MARCHF1: variants seen among roughly 807,000 people sequenced by gnomAD.
MARCHF1 encodes membrane associated ring-CH-type finger 1.
Under a neutral mutation model 54.2 loss-of-function variants are expected in MARCHF1, and 40 were observed. The observed-to-expected ratio is 0.74, with a 90% confidence interval of 0.57 to 0.96. MARCHF1 has a LOEUF of 0.96. Among genes scored for constraint, MARCHF1 ranks in the 40% least tolerant of loss-of-function variants. The pLI is 0.00. For missense variants in MARCHF1, 586 were observed against 656.5 expected (o/e 0.89, Z 1.17); for synonymous variants, 236 against 236.3 (o/e 1.00, Z 0.01).
At chr4:164,287,601 C>T (rs937359240) in intron 1 of MARCHF1, among the ~76,000 whole-genome samples, 2 of 151,616 alleles carry the variant, frequency 1.3e-5, no homozygotes, top group African/African-American at 4.8e-5. Context: ...GTAACCCTTC[C>T]GTCAGACTGA....
At chr4:163,600,380 T>C (rs1740924599) in intron 7 of MARCHF1, among the ~76,000 whole-genome samples, 1 of 152,132 alleles carries the variant, frequency 6.6e-6, no homozygotes, top group South Asian at 2.1e-4. Context: ...GCAATCTGGA[T>C]GGAATCCTGG....
chr4:164,138,472 A>G (rs1404625670), intron 1 of MARCHF1, among the ~76,000 whole-genome samples: 1 of 152,178 alleles, frequency 6.6e-6, no homozygotes, highest in Non-Finnish European at 1.5e-5. Flanking sequence ...GATCACTTCC[A>G]AGAAGTAGGG....
At position 164,045,798 on chromosome 4, in the gene MARCHF1, G is replaced by T. The variant is rs950241785; in HGVS notation, c.-247-57089C>A. The stretch of plus-strand genomic sequence containing the variant: ...CTGACCTCAAACAAAAGCATCTCAA[G>T]ATACTTTTAACTATTTAATAGTTAC... On this transcript the variant is annotated intron_variant, in intron 2 of 9. Transcript: ENST00000514618. Among the ~76,000 whole-genome samples the T allele has an allele frequency of 9.9e-5, 15 of 151,314 alleles. No homozygotes were observed. In the East Asian group the frequency reaches 2.3e-3, roughly 24 times the overall value.
chr4:163,935,288 C>T lies in MARCHF1; in HGVS notation c.-39+53213G>A, dbSNP rs1006255516. 6.6e-5 allele frequency among the ~76,000 whole-genome samples: 10 copies of T among 152,120 alleles called. No individual in the cohort carries two copies. The South Asian group carries it at 1.0e-3, about 16-fold the overall frequency. Reference sequence around the variant, plus strand: ...AGCCTGTCTTTTGAAGCTTTGAAGTCGGGCATTGACTTATCTTCCCTAGCT... The same window carrying T: ...AGCCTGTCTTTTGAAGCTTTGAAGTTGGGCATTGACTTATCTTCCCTAGCT... On this transcript the variant is annotated intron_variant, in intron 3 of 9. Coordinates refer to ENST00000514618, the MANE Select transcript of MARCHF1 (RefSeq NM_001394959.1).
intron 5 of MARCHF1, among the ~76,000 whole-genome samples, chr4:163,675,082 C>G (rs553691459): frequency 6.6e-5 from 10 of 152,030 alleles, no homozygotes; most frequent in Non-Finnish European, 1.3e-4. Flanking sequence ...AAAGGAAAAC[C>G]CTTACCTAGC....
chr4:164,188,623 C>T (rs2111040333), intron 1 of MARCHF1: 1 of 1,004,136 alleles, frequency 1.0e-6, no homozygotes, highest in East Asian at 2.4e-5. Flanking sequence ...CCGCCACGAA[C>T]CAGCTCACCT....
intron 9 of MARCHF1, among the ~76,000 whole-genome samples, chr4:163,531,279 C>T (rs1213494311): frequency 6.6e-6 from 1 of 151,784 alleles, no homozygotes; most frequent in Non-Finnish European, 1.5e-5. Context: ...AACAGTTACA[C>T]ACTACAGCCA....
chr4:163,635,338 G>T (rs1428301230), intron 5 of MARCHF1, among the ~76,000 whole-genome samples: 4 of 150,598 alleles, frequency 2.7e-5, no homozygotes. Context: ...CAACAAAATT[G>T]ATAGACCGCT....
chr4:163,631,908 A>C (rs1742098040), intron 5 of MARCHF1, among the ~76,000 whole-genome samples: 1 of 152,234 alleles, frequency 6.6e-6, no homozygotes, highest in Non-Finnish European at 1.5e-5. Context: ...AAATCATGTT[A>C]ATTATTGCAA....
At chr4:163,844,579 G>A (rs1749432956) in intron 4 of MARCHF1, among the ~76,000 whole-genome samples, 1 of 152,102 alleles carries the variant, frequency 6.6e-6, no homozygotes, top group South Asian at 2.1e-4. Flanking sequence ...ATAGTATAGT[G>A]TTTGGCACAT....
chr4:163,935,731 C>CT lies in MARCHF1; in HGVS notation c.-39+52769dup, dbSNP rs1205819554. On this transcript the variant is annotated intron_variant, in intron 3 of 9. Transcript: ENST00000514618. ...TTTTTTTTTTTTTTTTTTTATTATA[C>CT]TTTAAGTTTTAGGGTACATGTGCAC... is the stretch of plus-strand genomic sequence containing the variant. Among the ~76,000 whole-genome samples, 3 of 89,136 alleles carry CT rather than the reference C, an allele frequency of 3.4e-5. No individual in the cohort carries two copies. In the Admixed American group the frequency reaches 3.8e-4, roughly 11 times the overall value. 58.5% of individuals were successfully genotyped at this position (89,136 alleles called of 152,430 possible). A position where few individuals can be genotyped will look rare whatever the true frequency, so the allele number is the denominator to read the frequency against.
intron 2 of MARCHF1, among the ~76,000 whole-genome samples, chr4:164,005,934 A>G (rs1205897832): frequency 6.6e-6 from 1 of 152,192 alleles, no homozygotes; most frequent in Non-Finnish European, 1.5e-5. Context: ...CAAAAAGGAG[A>G]TAGTGACCAA....
At chr4:163,690,681 A>T (rs1182543732) in intron 5 of MARCHF1, among the ~76,000 whole-genome samples, 1 of 152,212 alleles carries the variant, frequency 6.6e-6, no homozygotes, top group Non-Finnish European at 1.5e-5. Context: ...AGAAAAAAGG[A>T]GGGGATATAT....
At chr4:163,635,996 C>A (rs1742304406) in intron 5 of MARCHF1, among the ~76,000 whole-genome samples, 1 of 152,174 alleles carries the variant, frequency 6.6e-6, no homozygotes, top group Non-Finnish European at 1.5e-5. Context: ...ACAAAAACCA[C>A]ATGATTATCT....
At chr4:163,634,417 G>T (rs1443688263) in intron 5 of MARCHF1, among the ~76,000 whole-genome samples, 1 of 144,980 alleles carries the variant, frequency 6.9e-6, no homozygotes, top group Non-Finnish European at 1.5e-5. Context: ...CCAAGCAAAT[G>T]GAAAACAAAA....
At chr4:163,684,173 G>T (rs558139404) in intron 5 of MARCHF1, among the ~76,000 whole-genome samples, 4 of 152,128 alleles carry the variant, frequency 2.6e-5, no homozygotes, top group South Asian at 2.1e-4. Flanking sequence ...AGTAGCAAAG[G>T]TTCGCCTAGT....
In MARCHF1 at chr4:164,375,245, G is replaced by T. The variant is rs1158483877; in HGVS notation, c.-323+8625C>A. Reference sequence around the variant, plus strand: ...GTGTTACACTATTAAAATAAATCAAGTAAAATTTTAATTGAAATGTTGTAC... The same window carrying T: ...GTGTTACACTATTAAAATAAATCAATTAAAATTTTAATTGAAATGTTGTAC... On this transcript the variant is annotated intron_variant, in intron 1 of 9. Transcript: ENST00000514618. Among the ~76,000 whole-genome samples, 3 of 152,100 alleles carry T rather than the reference G, an allele frequency of 2.0e-5. No homozygotes were observed. In the East Asian group the frequency reaches 5.8e-4, roughly 29 times the overall value.
At chr4:163,618,615 A>G (rs970410397) in intron 5 of MARCHF1, among the ~76,000 whole-genome samples, 5 of 152,168 alleles carry the variant, frequency 3.3e-5, no homozygotes, top group African/African-American at 1.2e-4. Flanking sequence ...TAGCATCAAA[A>G]TTAAGACTGG....
chr4:163,984,259 G>A (rs1752818963), intron 3 of MARCHF1, among the ~76,000 whole-genome samples: 2 of 152,082 alleles, frequency 1.3e-5, no homozygotes, highest in Non-Finnish European at 2.9e-5. Context: ...AAAAACTGAG[G>A]TAGAGAAATA....
Sources: gnomAD v4.1 joint callset for allele counts (sites outside exome capture counted in the v4.1 genomes callset) on GRCh38, gnomAD v4.1.1 for gene constraint, MANE v1.5 for transcripts, NCBI Gene and HGNC (gene_info 2026-07-23, HGNC 2026-07-21) for gene names.